ZNF808: variants seen among roughly 807,000 people sequenced by gnomAD.
ZNF808 encodes the protein zinc finger protein 808.
Under a neutral mutation model 8.7 loss-of-function variants are expected in ZNF808, and 5 were observed. The observed-to-expected ratio is 0.58, with a 90% CI of 0.30 to 1.21. The LOEUF (loss-of-function observed/expected upper bound fraction) is 1.21. Ranked by LOEUF, ZNF808 falls within the 50% of genes most tolerant of loss-of-function variation. ZNF808 has a pLI of 0.07. For missense variants in ZNF808, 1,103 were observed against 1,098.4 expected (o/e 1.00, Z -0.06); for synonymous variants, 380 against 366.0 (o/e 1.04, Z -0.44).
In ZNF808 at chr19:52,537,424, T is replaced by A. The variant is rs148303728; in HGVS notation, c.-20+4415T>A. On this transcript the variant is annotated intron_variant, in intron 2 of 4. Coordinates refer to ENST00000359798, the MANE Select transcript of ZNF808 (RefSeq NM_001039886.4). ...AAGAGGGGCCAGGTGCAGTGGCTCA[T>A]GCCTGTAATCCCAGCACTTTAGGAG... is the stretch of plus-strand genomic sequence containing the variant. Among the ~76,000 whole-genome samples the A allele has an allele frequency of 6.8e-3, 1,040 of 152,274 alleles. 3 individuals carry two copies. Among genetic ancestry groups the A allele is most frequent in the Non-Finnish European group, 0.012 (789 of 68,012 alleles).
intron 2 of ZNF808, among the ~76,000 whole-genome samples, chr19:52,538,175 T>C (rs2059631535): frequency 6.6e-6 from 1 of 150,502 alleles, no homozygotes; most frequent in South Asian, 2.1e-4. Context: ...GCCCAGCTAG[T>C]AGTTTTTTTT....
chr19:52,533,703 G>C (rs1294083622), intron 2 of ZNF808, among the ~76,000 whole-genome samples: 1 of 151,504 alleles, frequency 6.6e-6, no homozygotes, highest in African/African-American at 2.4e-5. Flanking sequence ...AAAATACGAA[G>C]AAATTAGCCG....
intron 2 of ZNF808, among the ~76,000 whole-genome samples, chr19:52,539,993 C>T (rs1361647008): frequency 1.3e-5 from 2 of 152,064 alleles, no homozygotes; most frequent in Non-Finnish European, 2.9e-5. Flanking sequence ...CACAGACACA[C>T]CCCACCAGGT....
Position 52,553,259 on chromosome 19 carries a change from T to C in ZNF808, c.343T>C (p.Phe115Leu). The change falls in exon 5 of 5, where the codon TTT becomes CTT. Residue 115 changes from phenylalanine (F) to leucine (L), a missense_variant. Phe to Leu is a conservative substitution (Grantham distance 22). Transcript: ENST00000359798. Reference protein sequence around the residue: ...EIEKEIHNIEFQCQEDERNGH... With the variant: ...EIEKEIHNIELQCQEDERNGH... ...TGAGAAAGAAATTCATAACATTGAG[T>C]TTCAGTGTCAAGAAGATGAAAGAAA... The C allele has an allele frequency of 4.3e-6, 7 of 1,613,738 alleles. No homozygotes were observed. Among genetic ancestry groups the C allele is most frequent in the Non-Finnish European group, 5.9e-6 (7 of 1,179,932 alleles).
downstream of ZNF808, among the ~76,000 whole-genome samples, chr19:52,558,120 C>T (rs1321729674): frequency 7.4e-6 from 1 of 134,576 alleles, no homozygotes; most frequent in African/African-American, 2.8e-5. Context: ...GAGTCTCGCT[C>T]TGTTGCCCAG....
intron 1 of ZNF808, among the ~76,000 whole-genome samples, chr19:52,531,698 A>G (rs913376027): frequency 3.3e-5 from 5 of 152,046 alleles, no homozygotes; most frequent in African/African-American, 7.2e-5. Flanking sequence ...GTTTTATACA[A>G]TGTTTTCTGT....
chr19:52,567,898 T>G (rs955954719), downstream of ZNF808, among the ~76,000 whole-genome samples: 9 of 152,176 alleles, frequency 5.9e-5, no homozygotes. Flanking sequence ...TCTGAAGGAC[T>G]TAGAATCTCT....
At position 52,555,691 on chromosome 19, in the gene ZNF808, T is replaced by C; in HGVS notation, c.*63T>C. 11 of 1,558,566 alleles carry C rather than the reference T, an allele frequency of 7.1e-6. No homozygotes were observed. In the South Asian group the frequency reaches 1.1e-4, roughly 15 times the overall value. On this transcript the variant is annotated 3_prime_UTR_variant, in exon 5 of 5. Transcript: ENST00000359798. Reference sequence around the variant, plus strand: ...CAATTGCAAATCATTGGAGAATCCATGATGAAGAGAAATCTTCTGAGTGTA... The same window carrying C: ...CAATTGCAAATCATTGGAGAATCCACGATGAAGAGAAATCTTCTGAGTGTA...
intron 2 of ZNF808, among the ~76,000 whole-genome samples, chr19:52,533,521 C>T (rs906682935): frequency 2.6e-5 from 4 of 151,528 alleles, no homozygotes; most frequent in African/African-American, 4.8e-5. Context: ...CCACTGCGCC[C>T]GGCCCAGGGA....
chr19:52,543,810 C>G (rs1254031944), intron 3 of ZNF808, among the ~76,000 whole-genome samples: 2 of 151,556 alleles, frequency 1.3e-5, no homozygotes, highest in Non-Finnish European at 2.9e-5. Flanking sequence ...GCATTTGAAG[C>G]CACACTAGTA....
Position 52,538,113 on chromosome 19 carries a change from C to T in ZNF808, c.-20+5104C>T, listed in dbSNP as rs2059630987. Among the ~76,000 whole-genome samples the T allele has an allele frequency of 1.3e-5, 2 of 151,254 alleles. 1 individual carries two copies. The highest frequency in any genetic ancestry group is 1.3e-4 in the Admixed American group (2 of 15,160). On this transcript the variant is annotated intron_variant, in intron 2 of 4. Coordinates refer to ENST00000359798, the MANE Select transcript of ZNF808 (RefSeq NM_001039886.4). ...GCAGCCTCGACCTCTTAGGCTCAAG[C>T]GATCCTCCCTCAGTCTCCTGAGTAG...
chr19:52,550,266 C>T (rs540367497), intron 4 of ZNF808, among the ~76,000 whole-genome samples: 8 of 151,676 alleles, frequency 5.3e-5, no homozygotes, highest in Middle Eastern at 3.4e-3. Context: ...GTTTTGCTCC[C>T]GTTGCCCAGG....
At chr19:52,556,614 G>C (rs367648407), downstream of ZNF808, 1 of 152,084 alleles carries the variant, frequency 6.6e-6, no homozygotes, top group Admixed American at 6.6e-5. Flanking sequence ...ATGAGCCACC[G>C]TACCCGGTCT....
At chr19:52,565,316 T>C (rs2059870526), downstream of ZNF808, among the ~76,000 whole-genome samples, 1 of 152,128 alleles carries the variant, frequency 6.6e-6, no homozygotes, top group Non-Finnish European at 1.5e-5. Context: ...CAAAGCATTA[T>C]GTCTGTCACA....
intron 2 of ZNF808, among the ~76,000 whole-genome samples, chr19:52,541,098 C>T (rs1376005911): frequency 2.0e-5 from 3 of 151,960 alleles, no homozygotes; most frequent in African/African-American, 4.8e-5. Context: ...ACTACAGGCC[C>T]CCGCCACCAC....
rs752598430 is a variant in ZNF808 at position 52,553,669 on chromosome 19, A to G, written c.753A>G (p.Ile251Met). Reference protein sequence around the residue: ...NCSSLLRKHQIPHLGDKQYKC... With the variant: ...NCSSLLRKHQMPHLGDKQYKC... ...GCTCACTCTTAAGGAAACACCAGAT[A>G]CCCCATTTAGGAGACAAACAATATA... Residue 251 changes from isoleucine (I) to methionine (M), a missense_variant, in exon 5 of 5, where the codon ATA becomes ATG. Transcript: ENST00000359798. The G allele has an allele frequency of 3.7e-6, 6 of 1,614,040 alleles. No homozygotes were observed.
intron 4 of ZNF808, among the ~76,000 whole-genome samples, chr19:52,550,417 A>T (rs150619784): frequency 6.6e-6 from 1 of 152,038 alleles, no homozygotes; most frequent in African/African-American, 2.4e-5. Context: ...TTTAGTACAG[A>T]TGGGGTTTCC....
intron 4 of ZNF808, among the ~76,000 whole-genome samples, chr19:52,549,366 CTTGT>C (rs2059753480): frequency 1.3e-5 from 2 of 152,198 alleles, no homozygotes; most frequent in Admixed American, 1.3e-4. Context: ...ATAGAGTTTA[CTTGT>C]TTGTTTGTGT....
chr19:52,556,136 C>G lies in ZNF808; in HGVS notation c.*508C>G, dbSNP rs9676857. ...GTTTGTGTTGACTTAACATTGAGTT[C>G]AAGCCTTAATTGACATTCAAGTGTT... On this transcript the variant is annotated 3_prime_UTR_variant, in exon 5 of 5. Coordinates refer to ENST00000359798, the MANE Select transcript of ZNF808 (RefSeq NM_001039886.4). The G allele has an allele frequency of 1.0e-5, 4 of 385,694 alleles. No individual in the cohort carries two copies. The highest frequency in any genetic ancestry group is 4.2e-5 in the African/African-American group (2 of 47,274). The allele number at this position is 385,694 out of a possible 1,614,324, so 23.9% of individuals were successfully genotyped here. A position where few individuals can be genotyped will look rare whatever the true frequency, so the allele number is the denominator to read the frequency against.
Sources: allele counts gnomAD v4.1 joint callset (sites outside exome capture counted in the v4.1 genomes callset), GRCh38; gene constraint gnomAD v4.1.1; transcripts MANE v1.5; gene names NCBI Gene and HGNC (gene_info 2026-07-23, HGNC 2026-07-21).